Variants in IL7R observed in about 807,000 individuals in gnomAD.
The protein encoded by IL7R is interleukin-7 receptor subunit alpha.
IL7R carries 38 observed loss-of-function variants against 47.0 expected under a neutral mutation model. That is an observed-to-expected ratio of 0.81 (90% CI 0.62 to 1.06). IL7R has a LOEUF of 1.06. Ranked by LOEUF, IL7R falls within the 50% of genes least tolerant of loss-of-function variation. The probability of loss-of-function intolerance (pLI) is 0.00; values close to 1 mark genes in which losing one functional copy is unlikely to be tolerated. For missense variants in IL7R, 633 were observed against 534.8 expected, an observed-to-expected ratio of 1.18 and a Z score of -1.81; for synonymous variants, 221 against 199.8, an observed-to-expected ratio of 1.11 and a Z score of -0.89.
intron 4 of IL7R, among the ~76,000 whole-genome samples, chr5:35,872,899 G>GA (rs1166989767): frequency 6.6e-6 from 1 of 150,676 alleles, no homozygotes; most frequent in Non-Finnish European, 1.5e-5. Context: ...AAAAAATTGG[G>GA]AAAAATCTCA....
At position 35,878,425 on chromosome 5, in the gene IL7R, G is replaced by A; in HGVS notation, c.*1939G>A. On this transcript the variant is annotated 3_prime_UTR_variant, in exon 8 of 8. Coordinates refer to ENST00000303115, the MANE Select transcript of IL7R (RefSeq NM_002185.5). The stretch of plus-strand genomic sequence containing the variant: ...AAAACCTAATGAAAGTGACTGCTTG[G>A]TAAACAAATTATTATTATATTATAA... The A allele has an allele frequency of 4.3e-6, 1 of 232,930 alleles. No homozygotes were observed. Among genetic ancestry groups the A allele is most frequent in the East Asian group, 6.0e-5 (1 of 16,532 alleles). 14.4% of individuals were successfully genotyped at this position (232,930 alleles called of 1,614,324 possible).
Position 35,874,487 on chromosome 5 carries a change from A to G in IL7R, c.745A>G (p.Ser249Gly). 6.2e-7 allele frequency: 1 copy of G among 1,613,564 alleles called. No individual in the cohort carries two copies. Among genetic ancestry groups the G allele is most frequent in the Non-Finnish European group, 8.5e-7 (1 of 1,179,572 alleles). ...TATCTTACTAACCATCAGCATTTTG[A>G]GTTTTTTCTCTGTCGCTCTGTTGGT... ...DPILLTISIL[S>G]FFSVALLVIL... The change falls in exon 6 of 8, where the codon AGT becomes GGT. Residue 249 changes from serine (S) to glycine (G), a missense_variant. Ser to Gly is a moderately conservative substitution (Grantham distance 56, BLOSUM62 0). Transcript: ENST00000303115.
In IL7R at chr5:35,871,194, A is replaced by G. The variant is rs1481084044; in HGVS notation, c.518A>G (p.Lys173Arg). ...LMHDVAYRQE[K>R]DENKWTHVNL... ...CACGATGTAGCTTACCGCCAGGAAA[A>G]GGATGAAAACAAATGGACGGTATGT... Residue 173 changes from lysine to arginine, a missense_variant, in exon 4 of 8, where the codon AAG becomes AGG. By Grantham distance (26) the Lys-to-Arg change is conservative. Transcript: ENST00000303115. 6.2e-7 allele frequency: 1 copy of G among 1,612,286 alleles called. No individual in the cohort carries two copies.
chr5:35,857,146 G>C, intron 1 of IL7R, 87 bp downstream of exon 1: 1 of 841,800 alleles, frequency 1.2e-6, no homozygotes, highest in Non-Finnish European at 2.1e-6. Flanking sequence ...ACCTGAGTCA[G>C]GCACTGGGTT....
chr5:35,866,307 T>C (rs1445672784), intron 2 of IL7R, among the ~76,000 whole-genome samples: 1 of 152,156 alleles, frequency 6.6e-6, no homozygotes, highest in Non-Finnish European at 1.5e-5. Context: ...TGTGTTAGTA[T>C]TTTCTTGTGA....
At chr5:35,875,162 T>G (rs1047254226) in intron 6 of IL7R, among the ~76,000 whole-genome samples, 1 of 152,206 alleles carries the variant, frequency 6.6e-6, no homozygotes, top group Admixed American at 6.5e-5. Flanking sequence ...AACACTTAAA[T>G]TGGGAGTAAA....
rs201713518 is a variant in IL7R at position 35,876,520 on chromosome 5, C to T, written c.*34C>T. The T allele has an allele frequency of 2.1e-5, 34 of 1,597,850 alleles. No homozygotes were observed. The East Asian group carries it at 3.1e-4, about 15-fold the overall frequency. Reference sequence around the variant, plus strand: ...AAACCCAGACTGAACTTACCGTGAGCGACAAAGATGATTTAAAAGGGAAGT... The same window carrying T: ...AAACCCAGACTGAACTTACCGTGAGTGACAAAGATGATTTAAAAGGGAAGT... On this transcript the variant is annotated 3_prime_UTR_variant, in exon 8 of 8. Transcript: ENST00000303115.
At position 35,876,298 on chromosome 5, in the gene IL7R, C is replaced by A. The variant is rs2149905970; in HGVS notation, c.1192C>A (p.Pro398Thr). The A allele has an allele frequency of 1.2e-6, 2 of 1,613,938 alleles. No homozygotes were observed. Among genetic ancestry groups the A allele is most frequent in the Non-Finnish European group, 1.7e-6 (2 of 1,179,876 alleles). Residue 398 changes from proline to threonine, a missense_variant, in exon 8 of 8, where the codon CCT becomes ACT. Coordinates refer to ENST00000303115, the MANE Select transcript of IL7R (RefSeq NM_002185.5). ...CTGCAGGGAGAGTGGCAAGAATGGG[C>A]CTCATGTGTACCAGGACCTCCTGCT... ...LDCRESGKNGPHVYQDLLLSL... is the reference protein window; with the variant it reads ...LDCRESGKNGTHVYQDLLLSL...
chr5:35,865,392 C>T (rs1022964635), intron 2 of IL7R, among the ~76,000 whole-genome samples: 28 of 152,134 alleles, frequency 1.8e-4, no homozygotes, highest in South Asian at 2.1e-4. Context: ...CAAGTCTTTG[C>T]TATTGTGAAT....
intron 3 of IL7R, chr5:35,867,703 A>G: frequency 1.6e-6 from 1 of 611,908 alleles, no homozygotes; most frequent in South Asian, 2.0e-5. Context: ...GTGCAAACCT[A>G]CATGAAGTGG....
rs1332093282 is a variant in IL7R, at chr5:35,877,589, C to A, written c.*1103C>A. On this transcript the variant is annotated 3_prime_UTR_variant, in exon 8 of 8. Coordinates refer to ENST00000303115, the MANE Select transcript of IL7R (RefSeq NM_002185.5). ...ACGAGTGAGAGGAGGCATGACCCCTCCCATGTGTATAGACACTACCCCAAC... is the reference window on the plus strand; with the variant it reads ...ACGAGTGAGAGGAGGCATGACCCCTACCATGTGTATAGACACTACCCCAAC... The A allele has an allele frequency of 8.6e-6, 2 of 233,040 alleles. No individual in the cohort carries two copies. The highest frequency in any genetic ancestry group is 1.7e-5 in the Non-Finnish European group (2 of 118,010). The allele number at this position is 233,040 out of a possible 1,614,324, so 14.4% of individuals were successfully genotyped here.
At chr5:35,861,404 A>G (rs1759812679) in intron 2 of IL7R, among the ~76,000 whole-genome samples, 1 of 152,166 alleles carries the variant, frequency 6.6e-6, no homozygotes, top group African/African-American at 2.4e-5. Context: ...TTTTTGACCT[A>G]GAGAAAGTTA....
At chr5:35,871,834 G>A (rs1449163914) in intron 4 of IL7R, among the ~76,000 whole-genome samples, 1 of 152,068 alleles carries the variant, frequency 6.6e-6, no homozygotes, top group Non-Finnish European at 1.5e-5. Flanking sequence ...GAGTGTACCA[G>A]GTTATGAGAT....
chr5:35,867,537 G>C lies in IL7R; in HGVS notation c.379+74G>C, dbSNP rs572882777. On this transcript the variant is annotated intron_variant, in intron 3 of 7. Transcript: ENST00000303115. The stretch of plus-strand genomic sequence containing the variant: ...AAACACTGTGTCTGGACATTCTGTA[G>C]GTTAAAAGTAGACAAATAGTGGAAA... 1.2e-5 allele frequency: 14 copies of C among 1,209,318 alleles called. 1 individual carries two copies. Among genetic ancestry groups the C allele is most frequent in the South Asian group, 9.7e-5 (8 of 82,810 alleles). 74.9% of individuals were successfully genotyped at this position (1,209,318 alleles called of 1,614,324 possible).
chr5:35,879,451 T>G lies in IL7R; in HGVS notation c.*2965T>G, dbSNP rs1365123800. 4.3e-6 allele frequency: 1 copy of G among 232,642 alleles called. No individual in the cohort carries two copies. The highest frequency in any genetic ancestry group is 8.5e-6 in the Non-Finnish European group (1 of 117,712). 14.4% of individuals were successfully genotyped at this position (232,642 alleles called of 1,614,324 possible). A position where few individuals can be genotyped will look rare whatever the true frequency, so the allele number is the denominator to read the frequency against. On this transcript the variant is annotated 3_prime_UTR_variant, in exon 8 of 8. Transcript: ENST00000303115. ...CTGTGGTTTATTGTTGGGACTATTC[T>G]TTAAAATATCCATTGTTCACTACAG...
In IL7R at chr5:35,871,233, T is replaced by C. The variant is rs1760069298; in HGVS notation, c.537+20T>C. The C allele has an allele frequency of 6.3e-7, 1 of 1,580,206 alleles. No individual in the cohort carries two copies. The highest frequency in any genetic ancestry group is 1.1e-5 in the South Asian group (1 of 90,204). On this transcript the variant is annotated intron_variant, in intron 4 of 7. Coordinates refer to ENST00000303115, the MANE Select transcript of IL7R (RefSeq NM_002185.5). ...TGGACGGTATGTAGTTCAACTACAT[T>C]AATAAAATAAAAACTTATGAATGTT...
intron 1 of IL7R, 27 bp downstream of exon 1, chr5:35,857,086 G>T (rs202099975): frequency 5.1e-6 from 7 of 1,364,894 alleles, no homozygotes; most frequent in Non-Finnish European, 7.3e-6. Context: ...TTTTCTTATG[G>T]ATTTTGGATT....
chr5:35,859,400 C>T (rs1050499775), intron 1 of IL7R, among the ~76,000 whole-genome samples: 4 of 152,194 alleles, frequency 2.6e-5, no homozygotes, highest in African/African-American at 9.7e-5. Flanking sequence ...GCTACCACTG[C>T]ACAGGGAAGA....
rs10491435 is a variant in IL7R at position 35,877,739 on chromosome 5, G to T, written c.*1253G>T. On this transcript the variant is annotated 3_prime_UTR_variant, in exon 8 of 8. Transcript: ENST00000303115. The stretch of plus-strand genomic sequence containing the variant: ...TGTGGCTACAATCTTGAAGATATAC[G>T]GAAGAGACGTATTATTAATGCTTGA... 3,707 of 233,124 alleles carry T rather than the reference G, an allele frequency of 0.016. 131 individuals carry two copies. Among genetic ancestry groups the T allele is most frequent in the African/African-American group, 0.075 (3,415 of 45,388 alleles). The allele number at this position is 233,124 out of a possible 1,614,324, so 14.4% of individuals were successfully genotyped here.
Sources: gnomAD v4.1 joint callset for allele counts (sites outside exome capture counted in the v4.1 genomes callset) on GRCh38, gnomAD v4.1.1 for gene constraint, MANE v1.5 for transcripts, NCBI Gene and HGNC (gene_info 2026-07-23, HGNC 2026-07-21) for gene names.